The following ANO6 variants were observed in gnomAD, a reference collection of about 807,000 sequenced individuals.
ANO6 encodes the protein anoctamin-6.
ANO6 carries 106 observed loss-of-function variants against 117.5 expected under a neutral mutation model. The observed-to-expected ratio is 0.90, with a 90% CI of 0.77 to 1.06. The LOEUF is 1.06. Ranked by LOEUF, ANO6 falls within the 50% of genes least tolerant of loss-of-function variation. The pLI is 0.00. For synonymous variants in ANO6, 367 were observed against 385.1 expected (o/e 0.95, Z 0.55); for missense variants, 955 against 1,121.1 (o/e 0.85, Z 2.12).
intron 1 of ANO6, among the ~76,000 whole-genome samples, chr12:45,257,085 G>A (rs554363482): frequency 1.1e-4 from 16 of 152,290 alleles, no homozygotes; most frequent in African/African-American, 3.9e-4. Context: ...TCTAGGGGCA[G>A]TATGGGCTCA....
chr12:45,401,658 T>G (rs1429864725), intron 12 of ANO6, 137 bp from the exon 13 acceptor site: 2 of 758,204 alleles, frequency 2.6e-6, no homozygotes, highest in East Asian at 2.7e-5. Context: ...ATGCCAGACT[T>G]TCTACCACCG....
At chr12:45,417,533 G>A (rs1005818953) in intron 17 of ANO6, among the ~76,000 whole-genome samples, 2 of 152,160 alleles carry the variant, frequency 1.3e-5, no homozygotes, top group Non-Finnish European at 2.9e-5. Flanking sequence ...GCTGTGAGGG[G>A]ACAGAACTCA....
intron 1 of ANO6, chr12:45,228,317 T>TTTTTTA (rs1947520117): frequency 6.8e-6 from 2 of 292,740 alleles, no homozygotes; most frequent in African/African-American, 5.1e-5. Context: ...TTTTTTTTTT[T>TTTTTTA]ATTATTAGAG....
intron 3 of ANO6, among the ~76,000 whole-genome samples, chr12:45,342,420 T>C (rs980886340): frequency 3.3e-5 from 5 of 152,208 alleles, no homozygotes; most frequent in South Asian, 2.1e-4. Flanking sequence ...TCATTCCTTT[T>C]GTCATCTGGT....
chr12:45,241,579 A>C (rs1565640146), intron 1 of ANO6, among the ~76,000 whole-genome samples: 2 of 152,226 alleles, frequency 1.3e-5, no homozygotes, highest in Admixed American at 6.5e-5. Context: ...TTCTCCGTCC[A>C]GCTTTGTTCC....
intron 1 of ANO6, among the ~76,000 whole-genome samples, chr12:45,220,066 A>G (rs1010933064): frequency 6.6e-6 from 1 of 152,184 alleles, no homozygotes; most frequent in African/African-American, 2.4e-5. Flanking sequence ...AGAATGCTAT[A>G]GGAACAGCTT....
At position 45,430,993 on chromosome 12, in the gene ANO6, A is replaced by ATAAAG. The variant is rs1943618640; in HGVS notation, c.*1685_*1689dup. The stretch of plus-strand genomic sequence containing the variant: ...ACTCAGATTTTAGAGGCTTTTTACA[A>ATAAAG]TAAAGTAGCGTAACTCTAGGTCATG... On this transcript the variant is annotated 3_prime_UTR_variant, in exon 20 of 20. Transcript: ENST00000320560. 1 of 985,326 alleles carries ATAAAG rather than the reference A, an allele frequency of 1.0e-6. No homozygotes were observed. The highest frequency in any genetic ancestry group is 1.7e-5 in the African/African-American group (1 of 57,238). The allele number at this position is 985,326 out of a possible 1,614,324, so 61.0% of individuals were successfully genotyped here.
intron 11 of ANO6, among the ~76,000 whole-genome samples, chr12:45,389,060 T>C (rs911698327): frequency 1.3e-5 from 2 of 152,234 alleles, no homozygotes; most frequent in East Asian, 3.8e-4. Flanking sequence ...AACAGTAGGT[T>C]CTGAATACGA....
intron 1 of ANO6, among the ~76,000 whole-genome samples, chr12:45,276,129 A>G (rs552900124): frequency 6.6e-6 from 1 of 152,258 alleles, no homozygotes; most frequent in African/African-American, 2.4e-5. Flanking sequence ...CCAATTTACA[A>G]AGTCAGAAAC....
At chr12:45,258,851 ATTG>A (rs1937928333) in intron 1 of ANO6, among the ~76,000 whole-genome samples, 1 of 152,198 alleles carries the variant, frequency 6.6e-6, no homozygotes, top group African/African-American at 2.4e-5. Context: ...GAAATAAAAG[ATTG>A]TTAAGTTATA....
intron 7 of ANO6, among the ~76,000 whole-genome samples, chr12:45,352,415 A>G (rs2137459996): frequency 6.6e-6 from 1 of 152,182 alleles, no homozygotes; most frequent in South Asian, 2.1e-4. Context: ...TCTCTTAAAC[A>G]TAACCAGAAT....
At chr12:45,261,165 C>T (rs922303250) in intron 1 of ANO6, among the ~76,000 whole-genome samples, 4 of 152,062 alleles carry the variant, frequency 2.6e-5, no homozygotes, top group African/African-American at 9.7e-5. Context: ...ATCAGGATTC[C>T]AGGCATGTGA....
chr12:45,322,045 T>G (rs1476715350), intron 2 of ANO6, among the ~76,000 whole-genome samples: 4 of 152,126 alleles, frequency 2.6e-5, no homozygotes, highest in Non-Finnish European at 4.4e-5. Flanking sequence ...GCTGGCAGTT[T>G]TACCCACCAT....
At chr12:45,217,322 A>T (rs1300327148) in intron 1 of ANO6, among the ~76,000 whole-genome samples, 1 of 152,204 alleles carries the variant, frequency 6.6e-6, no homozygotes, top group African/African-American at 2.4e-5. Context: ...AGTCTCCTGG[A>T]TGCCAAATCA....
At chr12:45,386,902 C>T (rs1942314309) in intron 10 of ANO6, among the ~76,000 whole-genome samples, 1 of 152,252 alleles carries the variant, frequency 6.6e-6, no homozygotes, top group Admixed American at 6.5e-5. Flanking sequence ...TGGTCCCCTC[C>T]TCTGGGATGG....
intron 2 of ANO6, among the ~76,000 whole-genome samples, chr12:45,306,745 G>A (rs899492278): frequency 2.6e-5 from 4 of 151,864 alleles, no homozygotes; most frequent in Admixed American, 6.6e-5. Context: ...CCCTGCACTT[G>A]TGAAGCTAAC....
At chr12:45,421,469 A>G (rs956025152) in intron 18 of ANO6, among the ~76,000 whole-genome samples, 196 bp downstream of exon 18, 1 of 152,228 alleles carries the variant, frequency 6.6e-6, no homozygotes, top group African/African-American at 2.4e-5. Context: ...TGAAACTCAG[A>G]AAATGTATAT....
chr12:45,300,342 G>A (rs1431387115), intron 1 of ANO6, among the ~76,000 whole-genome samples: 2 of 152,102 alleles, frequency 1.3e-5, no homozygotes, highest in African/African-American at 4.8e-5. Flanking sequence ...CATCACGCCC[G>A]GCTAATTAAA....
intron 1 of ANO6, among the ~76,000 whole-genome samples, chr12:45,236,918 A>G (rs1478247592): frequency 3.9e-5 from 6 of 152,182 alleles, no homozygotes; most frequent in Non-Finnish European, 1.5e-5. Flanking sequence ...AATGATCGCC[A>G]TTCTAACTGG....
Sources: allele counts gnomAD v4.1 joint callset (sites outside exome capture counted in the v4.1 genomes callset), GRCh38; gene constraint gnomAD v4.1.1; transcripts MANE v1.5; gene names NCBI Gene and HGNC (gene_info 2026-07-23, HGNC 2026-07-21).